The following RPH3AL variants were observed in gnomAD, a reference collection of about 807,000 sequenced individuals.
The protein encoded by RPH3AL is rab effector Noc2.
In RPH3AL, 38 loss-of-function variants were observed where a neutral mutation model predicts 43.1. That is an observed-to-expected ratio of 0.88 (90% CI 0.68 to 1.15). The LOEUF is 1.15. RPH3AL is among the 50% of genes most tolerant of loss of function. The pLI, the probability that RPH3AL is intolerant of heterozygous loss-of-function variation, is 0.00. For synonymous variants in RPH3AL, 189 were observed against 176.3 expected, an observed-to-expected ratio of 1.07 and a Z score of -0.57; for missense variants, 462 against 423.2, an observed-to-expected ratio of 1.09 and a Z score of -0.81.
chr17:343,784 GCCC>G (rs1232784073), intron 1 of RPH3AL, among the ~76,000 whole-genome samples: 1 of 152,166 alleles, frequency 6.6e-6, no homozygotes, highest in East Asian at 1.9e-4. Context: ...GCACAAAACA[GCCC>G]CCATGACAGA....
At chr17:315,455 A>G (rs2043970983) in intron 5 of RPH3AL, among the ~76,000 whole-genome samples, 1 of 146,774 alleles carries the variant, frequency 6.8e-6, no homozygotes, top group African/African-American at 2.6e-5. Flanking sequence ...ACCTCCATTG[A>G]CCTGTAGTCC....
rs1567631214 is a variant in RPH3AL at position 304,978 on chromosome 17, C to CATCA, written c.351+14441_351+14442insTGAT. On this transcript the variant is annotated intron_variant, in intron 5 of 9. Transcript: ENST00000331302. ...GGGACAGGGCGAGAGGGGGACAGGG[C>CATCA]GGGAGGGGGACAGGGCGAGAGGGGA... Among the ~76,000 whole-genome samples the CATCA allele has an allele frequency of 8.2e-4, 29 of 35,438 alleles. 5 individuals are homozygous for CATCA. Among genetic ancestry groups the CATCA allele is most frequent in the African/African-American group, 3.3e-3 (29 of 8,890 alleles). 23.2% of individuals were successfully genotyped at this position (35,438 alleles called of 152,430 possible).
At chr17:341,486 C>G (rs576513464) in intron 1 of RPH3AL, 2 of 152,162 alleles carry the variant, frequency 1.3e-5, no homozygotes, top group African/African-American at 4.8e-5. Context: ...TGACATCACA[C>G]CATTGCAAAA....
At chr17:281,264 T>C (rs990483222) in intron 6 of RPH3AL, among the ~76,000 whole-genome samples, 3 of 152,200 alleles carry the variant, frequency 2.0e-5, no homozygotes, top group African/African-American at 7.2e-5. Flanking sequence ...TAACTGGCTC[T>C]GTGCTTGCAG....
intron 7 of RPH3AL, among the ~76,000 whole-genome samples, chr17:227,221 G>A (rs189884693): frequency 1.5e-3 from 232 of 152,364 alleles, no homozygotes; most frequent in East Asian, 9.6e-4. Context: ...AGCGCCAGCC[G>A]TGCCCACTTC....
At chr17:232,284 G>A (rs189369795) in intron 7 of RPH3AL, among the ~76,000 whole-genome samples, 57 of 152,298 alleles carry the variant, frequency 3.7e-4, no homozygotes, top group African/African-American at 9.9e-4. Flanking sequence ...CAACAGTAGC[G>A]GCCCCGTCAC....
rs951575631 is a variant in RPH3AL at position 323,162 on chromosome 17, C to T, written c.78-1747G>A. Among the ~76,000 whole-genome samples the T allele has an allele frequency of 6.6e-5, 10 of 151,686 alleles. No homozygotes were observed. Among genetic ancestry groups the T allele is most frequent in the Non-Finnish European group, 1.2e-4 (8 of 67,942 alleles). ...GTGCTTCCCCATGGAAGGAGGGAGG[C>T]GGGTTCAGGCAGAGGAGATCACACA... On this transcript the variant is annotated intron_variant, in intron 3 of 9. Transcript: ENST00000331302. This position sits in a 1 kb window ranked among gnomAD's most constrained non-coding sequence, Gnocchi z 4.4.
intron 5 of RPH3AL, among the ~76,000 whole-genome samples, chr17:288,905 G>A (rs1362722676): frequency 3.0e-5 from 4 of 132,542 alleles, no homozygotes; most frequent in South Asian, 5.1e-4. Flanking sequence ...TCTCTCCACC[G>A]TCAGACCTCA....
In RPH3AL at chr17:213,582, A is replaced by G. The variant is rs1241676200; in HGVS notation, c.*270T>C. The G allele has an allele frequency of 1.1e-5, 6 of 555,608 alleles. No homozygotes were observed. The highest frequency in any genetic ancestry group is 7.6e-5 in the African/African-American group (4 of 52,674). The allele number at this position is 555,608 out of a possible 1,614,324, so 34.4% of individuals were successfully genotyped here. A position where few individuals can be genotyped will look rare whatever the true frequency, so the allele number is the denominator to read the frequency against. On this transcript the variant is annotated 3_prime_UTR_variant, in exon 10 of 10. Coordinates refer to ENST00000331302, the MANE Select transcript of RPH3AL (RefSeq NM_006987.4). ...CACGCGCAAACTTAAAATCATCACC[A>G]GGTAGATTGGGGGTGTGGGAGGGGA...
chr17:224,237 TTC>T (rs879560569), intron 7 of RPH3AL, among the ~76,000 whole-genome samples: 4,432 of 152,232 alleles, frequency 0.029, 108 homozygotes, highest in Non-Finnish European at 0.045. Context: ...AGATCCCAGC[TTC>T]ACCCTCTTTA....
At chr17:307,833 G>A (rs189063104) in intron 5 of RPH3AL, among the ~76,000 whole-genome samples, 114 of 152,328 alleles carry the variant, frequency 7.5e-4, no homozygotes, top group Admixed American at 7.4e-3. Flanking sequence ...AAAGCCACAC[G>A]CAGGCCTCAA....
At position 248,495 on chromosome 17, in the gene RPH3AL, G is replaced by C. The variant is rs573626205; in HGVS notation, c.439-1210C>G. On this transcript the variant is annotated intron_variant, in intron 6 of 9. Coordinates refer to ENST00000331302, the MANE Select transcript of RPH3AL (RefSeq NM_006987.4). ...TAAAGCATCCCTTTATCACTGCCCT[G>C]GGGAAGTGGTGAGAGTCACCCTAAA... Among the ~76,000 whole-genome samples the C allele has an allele frequency of 3.3e-5, 5 of 152,278 alleles. No homozygotes were observed. In the South Asian group the frequency reaches 8.3e-4, roughly 25 times the overall value.
chr17:314,630 A>C (rs796121596), intron 5 of RPH3AL, among the ~76,000 whole-genome samples: 5,918 of 110,142 alleles, frequency 0.054, 109 homozygotes, highest in African/African-American at 0.14. Flanking sequence ...CCCCACCTCC[A>C]TTGACCTGTA....
chr17:228,231 A>C (rs1469691906), intron 7 of RPH3AL, among the ~76,000 whole-genome samples: 1 of 152,138 alleles, frequency 6.6e-6, no homozygotes, highest in Non-Finnish European at 1.5e-5. Flanking sequence ...TTTTGTAAAG[A>C]CATCATCTCC....
intron 7 of RPH3AL, among the ~76,000 whole-genome samples, chr17:241,303 G>A (rs2041528069): frequency 6.6e-6 from 1 of 152,080 alleles, no homozygotes; most frequent in South Asian, 2.1e-4. Context: ...GGCTGAGGTA[G>A]GAGGATCACG....
At chr17:227,206 G>T (rs1217727017) in intron 7 of RPH3AL, among the ~76,000 whole-genome samples, 1 of 152,206 alleles carries the variant, frequency 6.6e-6, no homozygotes, top group African/African-American at 2.4e-5. Context: ...GCAGTGGCCA[G>T]CCCCAGCGCC....
At chr17:296,156 G>C (rs148294822) in intron 5 of RPH3AL, among the ~76,000 whole-genome samples, 1 of 76,758 alleles carries the variant, frequency 1.3e-5, no homozygotes, top group South Asian at 6.0e-4. Context: ...GGGAGGGACA[G>C]AGGAGCTGCA....
chr17:290,718 C>T lies in RPH3AL; in HGVS notation c.352-8864G>A, dbSNP rs1397490376. Among the ~76,000 whole-genome samples, 2 of 152,160 alleles carry T rather than the reference C, an allele frequency of 1.3e-5. No homozygotes were observed. Among genetic ancestry groups the T allele is most frequent in the Admixed American group, 6.5e-5 (1 of 15,272 alleles). On this transcript the variant is annotated intron_variant, in intron 5 of 9. Coordinates refer to ENST00000331302, the MANE Select transcript of RPH3AL (RefSeq NM_006987.4). This position sits in a 1 kb window ranked among gnomAD's most constrained non-coding sequence, Gnocchi z 4.2. ...CATTTCATGATGAGGAATTCCACCA[C>T]GCTCCCGCAGATCAGAAGACGGGAA...
At chr17:352,270 G>A (rs1002744812) in intron 1 of RPH3AL, among the ~76,000 whole-genome samples, 2 of 152,176 alleles carry the variant, frequency 1.3e-5, no homozygotes, top group African/African-American at 2.4e-5. Flanking sequence ...GGTCTGCTCC[G>A]ATGCGTGGCC....
Sources: allele counts gnomAD v4.1 joint callset (sites outside exome capture counted in the v4.1 genomes callset), GRCh38; gene constraint gnomAD v4.1.1; non-coding constraint Gnocchi (gnomAD v3.1); transcripts MANE v1.5; gene names NCBI Gene and HGNC (gene_info 2026-07-23, HGNC 2026-07-21).